GRID1: variants seen among roughly 807,000 people sequenced by gnomAD.
GRID1 encodes the protein glutamate receptor ionotropic, delta-1.
Under a neutral mutation model 98.0 loss-of-function variants are expected in GRID1, and 28 were observed. That is an observed-to-expected ratio of 0.29 (90% confidence interval 0.21 to 0.39). The LOEUF is 0.39. Among genes scored for constraint, GRID1 ranks in the 10% least tolerant of loss-of-function variants. The pLI, the probability that GRID1 is intolerant of heterozygous loss-of-function variation, is 1.00. For missense variants in GRID1, 1,111 were observed against 1,340.5 expected (o/e 0.83, Z 2.67); for synonymous variants, 553 against 538.5 (o/e 1.03, Z -0.37).
intron 8 of GRID1, among the ~76,000 whole-genome samples, chr10:85,766,731 T>TGC (rs1491420262): frequency 4.4e-3 from 58 of 13,080 alleles, no homozygotes; most frequent in African/African-American, 0.01. Flanking sequence ...GGCAGATGAT[T>TGC]GTGTGTGTGT....
intron 2 of GRID1, among the ~76,000 whole-genome samples, chr10:86,248,563 CTTTTTTTTTTTTTTTTT>C (rs200060771): frequency 0.74 from 92,595 of 124,394 alleles, 33,355 homozygotes; most frequent in Non-Finnish European, 0.8. Context: ...CATGACAATT[CTTTTTTTTTTTTTTTTT>C]TTTTTTTTTT....
chr10:85,997,377 C>A lies in GRID1; in HGVS notation c.727-81138G>T, dbSNP rs187537115. Among the ~76,000 whole-genome samples the A allele has an allele frequency of 5.0e-4, 74 of 147,426 alleles. 1 individual carries two copies. The highest frequency in any genetic ancestry group is 1.7e-3 in the African/African-American group (69 of 40,098). On this transcript the variant is annotated intron_variant, in intron 4 of 15. Transcript: ENST00000327946. ...TCGCGCCACTGTACTACAGCCTGGGCAACAGAGCGAGACTCCATCTCAAAA... is the reference window on the plus strand; with the variant it reads ...TCGCGCCACTGTACTACAGCCTGGGAAACAGAGCGAGACTCCATCTCAAAA...
intron 4 of GRID1, among the ~76,000 whole-genome samples, chr10:86,089,750 T>A (rs867093498): frequency 0.016 from 2,398 of 146,376 alleles, 63 homozygotes; most frequent in African/African-American, 0.052. Flanking sequence ...CAAAAAAAAA[T>A]TTTTTTTTTT....
At chr10:85,835,829 G>A (rs1842907580) in intron 8 of GRID1, among the ~76,000 whole-genome samples, 3 of 152,102 alleles carry the variant, frequency 2.0e-5, no homozygotes, top group Admixed American at 6.5e-5. Flanking sequence ...ATCATACAGA[G>A]TATGTTATCT....
chr10:86,058,015 T>C (rs545437013), intron 4 of GRID1, among the ~76,000 whole-genome samples: 2 of 152,026 alleles, frequency 1.3e-5, no homozygotes, highest in Non-Finnish European at 1.5e-5. Context: ...AGGTTAGGTG[T>C]CCCCAGAAGC....
At chr10:85,831,128 T>TA (rs139587452) in intron 8 of GRID1, among the ~76,000 whole-genome samples, 49,461 of 149,914 alleles carry the variant, frequency 0.33, 9,719 homozygotes, top group African/African-American at 0.55. Flanking sequence ...TATGTAGCTA[T>TA]AAAAAAAAAA....
intron 4 of GRID1, among the ~76,000 whole-genome samples, chr10:86,086,777 G>A (rs1186932809): frequency 6.6e-6 from 1 of 152,178 alleles, no homozygotes; most frequent in Non-Finnish European, 1.5e-5. Flanking sequence ...GTGTGTTGGT[G>A]TTTGTGTGAG....
At chr10:85,688,121 G>T (rs1841290037) in intron 12 of GRID1, among the ~76,000 whole-genome samples, 1 of 152,174 alleles carries the variant, frequency 6.6e-6, no homozygotes, top group African/African-American at 2.4e-5. Flanking sequence ...TTCCAGGATA[G>T]AAAAGTAAAA....
intron 2 of GRID1, among the ~76,000 whole-genome samples, chr10:86,326,044 T>C (rs1848045344): frequency 1.3e-5 from 2 of 152,210 alleles, no homozygotes; most frequent in Admixed American, 6.5e-5. Flanking sequence ...AACTCAAGGA[T>C]ATAAAATCAA....
intron 2 of GRID1, among the ~76,000 whole-genome samples, chr10:86,322,495 T>C (rs1847985076): frequency 6.6e-6 from 1 of 151,550 alleles, no homozygotes; most frequent in Non-Finnish European, 1.5e-5. Context: ...CACTGCAACC[T>C]CCACCTCCTG....
At chr10:85,704,308 G>C (rs1221452364) in intron 12 of GRID1, among the ~76,000 whole-genome samples, 2 of 152,044 alleles carry the variant, frequency 1.3e-5, no homozygotes, top group African/African-American at 4.8e-5. Flanking sequence ...AAAAGGGCAG[G>C]GGTTGCAATC....
chr10:85,820,281 C>T (rs545392352), intron 8 of GRID1, among the ~76,000 whole-genome samples: 2 of 151,874 alleles, frequency 1.3e-5, no homozygotes, highest in South Asian at 4.2e-4. Context: ...AAGAAACTAA[C>T]AATTTGTTAT....
chr10:86,265,709 T>C (rs1045992416), intron 2 of GRID1, among the ~76,000 whole-genome samples: 1 of 152,218 alleles, frequency 6.6e-6, no homozygotes, highest in Non-Finnish European at 1.5e-5. Context: ...CTGTCTTCCT[T>C]CAGTGCCACT....
intron 2 of GRID1, among the ~76,000 whole-genome samples, chr10:86,239,003 C>A (rs1300431109): frequency 2.0e-5 from 3 of 152,138 alleles, no homozygotes; most frequent in Admixed American, 6.5e-5. Flanking sequence ...ATCCTCCAGA[C>A]CCCAGAATGG....
chr10:86,322,719 T>A (rs927994571), intron 2 of GRID1, among the ~76,000 whole-genome samples: 4 of 144,826 alleles, frequency 2.8e-5, no homozygotes, highest in African/African-American at 5.2e-5. Flanking sequence ...CCTTGAATTA[T>A]TTTTTTTTAA....
At chr10:86,127,957 A>T (rs1456237841) in intron 4 of GRID1, among the ~76,000 whole-genome samples, 1 of 152,136 alleles carries the variant, frequency 6.6e-6, no homozygotes, top group African/African-American at 2.4e-5. Flanking sequence ...TCCCTCATTT[A>T]ATTCCCATGG....
chr10:85,656,215 A>G (rs1040166996), intron 12 of GRID1, among the ~76,000 whole-genome samples: 1 of 152,140 alleles, frequency 6.6e-6, no homozygotes, highest in African/African-American at 2.4e-5. Flanking sequence ...CCCTCCAACC[A>G]GTAGCATTTG....
chr10:86,143,085 C>T (rs563888655), intron 3 of GRID1, among the ~76,000 whole-genome samples: 103 of 152,326 alleles, frequency 6.8e-4, no homozygotes, highest in African/African-American at 2.2e-3. Flanking sequence ...TCCTTGCCAG[C>T]GGTGGCTCCT....
intron 8 of GRID1, among the ~76,000 whole-genome samples, chr10:85,808,063 A>C (rs61855964): frequency 0.01 from 1,556 of 152,320 alleles, 13 homozygotes; most frequent in Non-Finnish European, 0.014. Context: ...ATATAATAGA[A>C]TCATAAAAAT....
Sources: gnomAD v4.1 joint callset for allele counts (sites outside exome capture counted in the v4.1 genomes callset) on GRCh38, gnomAD v4.1.1 for gene constraint, MANE v1.5 for transcripts, NCBI Gene and HGNC (gene_info 2026-07-23, HGNC 2026-07-21) for gene names.